RARB: variants seen among roughly 807,000 people sequenced by gnomAD.
The protein encoded by RARB is retinoic acid receptor beta, also known as HBV-activated protein.
RARB carries 17 observed loss-of-function variants against 51.9 expected under a neutral mutation model. The observed-to-expected ratio is 0.33, with a 90% CI of 0.22 to 0.49. RARB has a LOEUF of 0.49. Among genes scored for constraint, RARB ranks in the 20% least tolerant of loss-of-function variants. RARB has a pLI of 0.99. For missense variants in RARB, 369 were observed against 550.8 expected (o/e 0.67, Z 3.30); for synonymous variants, 215 against 195.4 (o/e 1.10, Z -0.84).
At chr3:25,438,413 A>C (rs1050730146) in intron 1 of RARB, among the ~76,000 whole-genome samples, 1 of 151,816 alleles carries the variant, frequency 6.6e-6, no homozygotes. Context: ...GCACTATAAC[A>C]AGAAAGAAAG....
intron 2 of RARB, among the ~76,000 whole-genome samples, chr3:25,005,763 C>G (rs9842936): frequency 6.6e-6 from 1 of 152,066 alleles, no homozygotes; most frequent in South Asian, 2.1e-4. Flanking sequence ...TACGCTCCTC[C>G]TGGTCTTGTC....
chr3:25,049,719 A>C (rs1027143495), intron 2 of RARB, among the ~76,000 whole-genome samples: 3 of 152,268 alleles, frequency 2.0e-5, no homozygotes, highest in Non-Finnish European at 4.4e-5. Flanking sequence ...TTAGCTCAGC[A>C]TCTTCACATT....
At chr3:25,456,346 G>C (rs930508221) in intron 1 of RARB, among the ~76,000 whole-genome samples, 1 of 152,082 alleles carries the variant, frequency 6.6e-6, no homozygotes, top group Non-Finnish European at 1.5e-5. Context: ...CTTTCTTGGG[G>C]GGTGGAGGAA....
intron 3 of RARB, among the ~76,000 whole-genome samples, chr3:25,073,088 AG>A (rs1350093636): frequency 6.6e-6 from 1 of 152,328 alleles, no homozygotes; most frequent in East Asian, 1.9e-4. Flanking sequence ...AAACTGAATG[AG>A]TAAGACACCC....
At chr3:25,088,718 T>A (rs1699145287) in intron 3 of RARB, among the ~76,000 whole-genome samples, 1 of 152,162 alleles carries the variant, frequency 6.6e-6, no homozygotes, top group Admixed American at 6.6e-5. Context: ...GTGAAGCTAT[T>A]TGGTGAACCA....
intron 2 of RARB, among the ~76,000 whole-genome samples, chr3:25,490,341 T>G (rs566992778): frequency 6.6e-6 from 1 of 152,292 alleles, no homozygotes; most frequent in African/African-American, 2.4e-5. Context: ...TACAAGTACA[T>G]CATAATTATT....
intron 5 of RARB, among the ~76,000 whole-genome samples, chr3:25,333,970 A>G (rs1314904375): frequency 3.9e-5 from 6 of 152,190 alleles, no homozygotes; most frequent in East Asian, 1.9e-4. Flanking sequence ...GATCAAAACC[A>G]CAATGAGATA....
chr3:25,528,096 GA>G (rs1422831839), intron 3 of RARB, among the ~76,000 whole-genome samples: 3 of 152,240 alleles, frequency 2.0e-5, no homozygotes, highest in Non-Finnish European at 4.4e-5. Context: ...CAGGAGAAAA[GA>G]AAGTAAAGAG....
chr3:25,076,149 T>TA (rs1553630422), intron 3 of RARB, among the ~76,000 whole-genome samples: 1 of 147,576 alleles, frequency 6.8e-6, no homozygotes, highest in African/African-American at 2.4e-5. Flanking sequence ...GTTATTTATT[T>TA]TTTTTTTTTT....
At chr3:25,028,514 T>A (rs1214128107) in intron 2 of RARB, among the ~76,000 whole-genome samples, 1 of 152,172 alleles carries the variant, frequency 6.6e-6, no homozygotes, top group Non-Finnish European at 1.5e-5. Context: ...ATAATGGACT[T>A]GGGTACTTCC....
At chr3:25,516,007 C>A (rs1039024252) in intron 3 of RARB, among the ~76,000 whole-genome samples, 1 of 152,202 alleles carries the variant, frequency 6.6e-6, no homozygotes, top group African/African-American at 2.4e-5. Context: ...TTTCTTCAGG[C>A]AGTGTTTTAA....
chr3:25,078,534 A>ATTTTTTT (rs56349106), intron 3 of RARB, among the ~76,000 whole-genome samples: 10 of 141,290 alleles, frequency 7.1e-5, no homozygotes, highest in African/African-American at 1.1e-4. Context: ...CCAACTTTCT[A>ATTTTTTT]TTTTTTTTTT....
At chr3:25,478,231 G>C (rs1275881247) in intron 2 of RARB, among the ~76,000 whole-genome samples, 1 of 152,200 alleles carries the variant, frequency 6.6e-6, no homozygotes, top group East Asian at 1.9e-4. Flanking sequence ...TACAAGAGGA[G>C]GGGACATAAA....
chr3:25,556,876 T>A (rs1248106940), intron 3 of RARB, among the ~76,000 whole-genome samples: 1 of 152,232 alleles, frequency 6.6e-6, no homozygotes, highest in Admixed American at 6.5e-5. Context: ...CTGTGACAGT[T>A]GGCAATTATG....
intron 2 of RARB, among the ~76,000 whole-genome samples, chr3:24,940,562 A>G (rs1424040826): frequency 1.3e-5 from 2 of 152,052 alleles, no homozygotes; most frequent in Non-Finnish European, 2.9e-5. Flanking sequence ...TTCCTTTCCT[A>G]TGTTTTTTCC....
intron 3 of RARB, among the ~76,000 whole-genome samples, chr3:25,131,909 G>A (rs967738287): frequency 2.6e-5 from 4 of 151,954 alleles, no homozygotes; most frequent in Admixed American, 6.6e-5. Flanking sequence ...GAAAGTGTGG[G>A]TTCTTGGAAG....
rs538894304 is a variant in RARB at position 25,348,495 on chromosome 3, G to A, written c.179-112698G>A. On this transcript the variant is annotated intron_variant, in intron 5 of 11. Transcript: ENST00000383772. ...CCGCTTGGCCATTTGAGACAGGTTA[G>A]TGAAATTAAAAGTGGGTAATATAAT... Among the ~76,000 whole-genome samples the A allele has an allele frequency of 8.6e-5, 13 of 152,000 alleles. No homozygotes were observed. The South Asian group carries it at 2.7e-3, about 32-fold the overall frequency.
At chr3:25,051,431 A>C (rs1277381650) in intron 2 of RARB, among the ~76,000 whole-genome samples, 1 of 152,162 alleles carries the variant, frequency 6.6e-6, no homozygotes, top group Non-Finnish European at 1.5e-5. Flanking sequence ...TATGCCTAAA[A>C]ACCAAAGTAG....
chr3:24,919,351 A>T (rs563194086), intron 2 of RARB, among the ~76,000 whole-genome samples: 3 of 152,158 alleles, frequency 2.0e-5, no homozygotes, highest in Admixed American at 6.5e-5. Flanking sequence ...AAGTTTCTCC[A>T]TACAAAGTGA....
Sources: allele counts gnomAD v4.1 joint callset (sites outside exome capture counted in the v4.1 genomes callset), GRCh38; gene constraint gnomAD v4.1.1; transcripts MANE v1.5; gene names NCBI Gene and HGNC (gene_info 2026-07-23, HGNC 2026-07-21).